The following CSMD1 variants were observed in gnomAD, a reference collection of about 807,000 sequenced individuals.
The protein encoded by CSMD1 is CUB and Sushi multiple domains 1.
CSMD1 carries 213 observed loss-of-function variants against 417.5 expected under a neutral mutation model. That is an observed-to-expected ratio of 0.51 (90% CI 0.46 to 0.57). CSMD1 has a LOEUF of 0.57. CSMD1 is among the 20% of genes least tolerant of loss of function. The probability of loss-of-function intolerance (pLI) is 0.00; values close to 1 mark genes in which losing one functional copy is unlikely to be tolerated. For missense variants in CSMD1, 6,923 were observed against 4,529.7 expected (o/e 1.53, Z -15.17); for synonymous variants, 2,862 against 1,736.8 (o/e 1.65, Z -16.11).
At chr8:4,569,607 G>A (rs983886255) in intron 2 of CSMD1, among the ~76,000 whole-genome samples, 1 of 152,138 alleles carries the variant, frequency 6.6e-6, no homozygotes, top group African/African-American at 2.4e-5. Context: ...TTTTTGCTTA[G>A]GATTGTCTTA....
intron 57 of CSMD1, 64 bp downstream of exon 57, chr8:2,973,053 C>T: frequency 3.3e-6 from 5 of 1,495,816 alleles, no homozygotes; most frequent in Non-Finnish European, 4.5e-6. Context: ...TTTTGCCAGG[C>T]ATTTTAGAAC....
intron 10 of CSMD1, among the ~76,000 whole-genome samples, chr8:3,556,289 C>T (rs1168614627): frequency 6.6e-6 from 1 of 150,728 alleles, no homozygotes; most frequent in Admixed American, 6.6e-5. Context: ...ACAACCCCCA[C>T]TACCCTTCCC....
intron 62 of CSMD1, 63 bp from the exon 63 acceptor site, chr8:2,957,870 A>T: frequency 8.8e-7 from 1 of 1,142,170 alleles, no homozygotes; most frequent in East Asian, 2.6e-5. Context: ...TCAACTAGTG[A>T]TACCTGAAAG....
chr8:3,628,936 G>C (rs911383121), intron 7 of CSMD1, among the ~76,000 whole-genome samples: 5 of 151,774 alleles, frequency 3.3e-5, no homozygotes, highest in Non-Finnish European at 5.9e-5. Context: ...AAAAAGAGTA[G>C]GAATGAGAAA....
At chr8:4,551,724 G>C (rs1391919307) in intron 2 of CSMD1, among the ~76,000 whole-genome samples, 2 of 151,992 alleles carry the variant, frequency 1.3e-5, no homozygotes, top group Non-Finnish European at 2.9e-5. Context: ...CCAGGCTGGA[G>C]TCCAGGCTGG....
intron 15 of CSMD1, among the ~76,000 whole-genome samples, chr8:3,401,704 A>G (rs1327270834): frequency 6.6e-6 from 1 of 152,072 alleles, no homozygotes; most frequent in East Asian, 1.9e-4. Flanking sequence ...GGCAGGTGGA[A>G]AAAGGTCTTA....
intron 8 of CSMD1, among the ~76,000 whole-genome samples, chr8:3,588,580 T>C (rs954270754): frequency 6.6e-6 from 1 of 152,182 alleles, no homozygotes; most frequent in Non-Finnish European, 1.5e-5. Context: ...TCTGCTCCTA[T>C]AACACCTCTA....
intron 37 of CSMD1, among the ~76,000 whole-genome samples, chr8:3,178,830 T>A (rs1030753090): frequency 6.6e-6 from 1 of 152,168 alleles, no homozygotes; most frequent in Non-Finnish European, 1.5e-5. Context: ...TGCAAAAATA[T>A]GTCAACAAAT....
chr8:4,354,909 T>TGTGTGTGA (rs201029099), intron 3 of CSMD1, among the ~76,000 whole-genome samples: 1 of 146,932 alleles, frequency 6.8e-6, no homozygotes, highest in Non-Finnish European at 1.5e-5. Context: ...TGTGTGTGTG[T>TGTGTGTGA]TAAATATTTG....
At chr8:4,805,517 C>T (rs545853980) in intron 1 of CSMD1, among the ~76,000 whole-genome samples, 1 of 152,158 alleles carries the variant, frequency 6.6e-6, no homozygotes, top group Non-Finnish European at 1.5e-5. Flanking sequence ...TGTCACTCTG[C>T]CACACTCCCT....
Position 3,183,623 on chromosome 8 carries a change from C to G in CSMD1, c.5621-2409G>C, listed in dbSNP as rs1025661783. 2.6e-5 allele frequency among the ~76,000 whole-genome samples: 4 copies of G among 151,418 alleles called. No homozygotes were observed. The East Asian group carries it at 5.9e-4, about 22-fold the overall frequency. On this transcript the variant is annotated intron_variant, in intron 36 of 69. Coordinates refer to ENST00000635120, the MANE Select transcript of CSMD1 (RefSeq NM_033225.6). ...CGAGTAGGTCTCTAATGTTTCTTAACGATACCATCGGCATCCACCGACGTC... is the reference window on the plus strand; with the variant it reads ...CGAGTAGGTCTCTAATGTTTCTTAAGGATACCATCGGCATCCACCGACGTC...
At chr8:4,676,497 A>C (rs1805690382) in intron 1 of CSMD1, among the ~76,000 whole-genome samples, 2 of 152,034 alleles carry the variant, frequency 1.3e-5, no homozygotes, top group South Asian at 4.2e-4. Context: ...GGTCCTGCTA[A>C]TTTTGCCTTC....
At chr8:2,985,893 A>G (rs1211362746) in intron 54 of CSMD1, among the ~76,000 whole-genome samples, 1 of 135,736 alleles carries the variant, frequency 7.4e-6, no homozygotes, top group Non-Finnish European at 1.6e-5. Context: ...TTCTTTGCAT[A>G]TTGTGATCGA....
intron 1 of CSMD1, among the ~76,000 whole-genome samples, chr8:4,709,470 C>G (rs1243831524): frequency 6.6e-6 from 1 of 152,188 alleles, no homozygotes; most frequent in African/African-American, 2.4e-5. Context: ...GTCCATAGGA[C>G]GTAAGGAACA....
chr8:4,796,321 G>A (rs139889295), intron 1 of CSMD1, among the ~76,000 whole-genome samples: 322 of 152,010 alleles, frequency 2.1e-3, no homozygotes, highest in African/African-American at 7.3e-3. Context: ...GATGACAAGC[G>A]ACCAACGTGA....
At chr8:3,195,764 T>C (rs2129052645) in intron 33 of CSMD1, among the ~76,000 whole-genome samples, 1 of 152,246 alleles carries the variant, frequency 6.6e-6, no homozygotes, top group Admixed American at 6.5e-5. Flanking sequence ...TTCTGCTTGA[T>C]GCCAAAAAGC....
chr8:4,124,870 A>AG (rs1223138622), intron 3 of CSMD1, among the ~76,000 whole-genome samples: 1 of 152,200 alleles, frequency 6.6e-6, no homozygotes, highest in Non-Finnish European at 1.5e-5. Flanking sequence ...TCTATAGGAC[A>AG]GAAAAAGGAA....
Position 4,416,922 on chromosome 8 carries a change from A to G in CSMD1, c.415+3031T>C, listed in dbSNP as rs542651663. ...GGCATATCTAGGAATTTTAATAGTA[A>G]TCTTATTATAAACTATGTGTAATCC... On this transcript the variant is annotated intron_variant, in intron 3 of 69. Coordinates refer to ENST00000635120, the MANE Select transcript of CSMD1 (RefSeq NM_033225.6). Among the ~76,000 whole-genome samples, 27 of 152,202 alleles carry G rather than the reference A, an allele frequency of 1.8e-4. No individual in the cohort carries two copies. The East Asian group carries it at 5.0e-3, about 28-fold the overall frequency.
intron 1 of CSMD1, among the ~76,000 whole-genome samples, chr8:4,946,577 A>G: frequency 6.6e-6 from 1 of 152,198 alleles, no homozygotes; most frequent in East Asian, 1.9e-4. Flanking sequence ...GTATAAGTGA[A>G]TAGAACACTA....
Sources: allele counts gnomAD v4.1 joint callset (sites outside exome capture counted in the v4.1 genomes callset), GRCh38; gene constraint gnomAD v4.1.1; transcripts MANE v1.5; gene names NCBI Gene and HGNC (gene_info 2026-07-23, HGNC 2026-07-21).